LRBA: variants seen among roughly 807,000 people sequenced by gnomAD.
LRBA encodes LPS responsive beige-like anchor protein.
A neutral mutation model predicts 330.0 loss-of-function variants in LRBA; 176 were observed. The ratio of observed to expected loss-of-function variants is 0.53; its 90% CI spans 0.47 to 0.60. LRBA has a LOEUF of 0.60. LRBA is among the 20% of genes least tolerant of loss of function. LRBA has a pLI of 0.00. For missense variants in LRBA, 3,259 were observed against 3,444.8 expected (o/e 0.95, Z 1.35); for synonymous variants, 1,230 against 1,193.0 (o/e 1.03, Z -0.64).
chr4:150,289,458 A>AG (rs1351977323), intron 53 of LRBA, among the ~76,000 whole-genome samples: 1 of 152,166 alleles, frequency 6.6e-6, no homozygotes, highest in Non-Finnish European at 1.5e-5. Context: ...AGAGAGAGAG[A>AG]GAAAAAAAGA....
chr4:150,282,700 T>C (rs950971571), intron 54 of LRBA, 54 bp from the exon 55 acceptor site: 1 of 1,234,596 alleles, frequency 8.1e-7, no homozygotes, highest in Non-Finnish European at 1.2e-6. Context: ...ACAGACAATA[T>C]GATCTGAATC....
chr4:150,820,978 AAC>A (rs1745351268), intron 30 of LRBA, among the ~76,000 whole-genome samples: 1 of 152,104 alleles, frequency 6.6e-6, no homozygotes, highest in Non-Finnish European at 1.5e-5. Flanking sequence ...TGCATTGGAA[AAC>A]ACAGAGGAAA....
chr4:150,897,696 C>A, intron 15 of LRBA, 43 bp downstream of exon 15: 3 of 1,332,148 alleles, frequency 2.3e-6, no homozygotes, highest in South Asian at 1.2e-5. Flanking sequence ...AAATTATAAC[C>A]TTCAATACAC....
intron 22 of LRBA, among the ~76,000 whole-genome samples, chr4:150,862,429 A>T (rs993686923): frequency 1.8e-4 from 28 of 152,282 alleles, no homozygotes; most frequent in African/African-American, 6.5e-4. Context: ...TATCACAAGG[A>T]CAGAAAACCA....
At chr4:150,976,708 T>A (rs537475470) in intron 2 of LRBA, among the ~76,000 whole-genome samples, 4 of 130,708 alleles carry the variant, frequency 3.1e-5, no homozygotes, top group Non-Finnish European at 6.3e-5. Flanking sequence ...AATCACTTCG[T>A]ATCACAGAAA....
At chr4:150,554,307 C>G (rs1767007699) in intron 40 of LRBA, among the ~76,000 whole-genome samples, 1 of 152,114 alleles carries the variant, frequency 6.6e-6, no homozygotes, top group South Asian at 2.1e-4. Context: ...CTTTCTTCCC[C>G]TTAATTTCAA....
chr4:150,598,840 T>C (rs1309668582), intron 38 of LRBA, among the ~76,000 whole-genome samples, 167 bp downstream of exon 38: 1 of 152,214 alleles, frequency 6.6e-6, no homozygotes, highest in Admixed American at 6.5e-5. Flanking sequence ...CATAATTTAA[T>C]AGGACTCTAT....
intron 36 of LRBA, among the ~76,000 whole-genome samples, chr4:150,729,517 G>T (rs570064094): frequency 3.3e-5 from 5 of 152,068 alleles, no homozygotes; most frequent in Non-Finnish European, 7.4e-5. Flanking sequence ...AAAATGGAAG[G>T]ATATTCTATG....
chr4:150,330,302 C>A (rs894036433), intron 48 of LRBA, among the ~76,000 whole-genome samples: 1 of 152,052 alleles, frequency 6.6e-6, no homozygotes, highest in Admixed American at 6.6e-5. Flanking sequence ...TCTAGAAAAC[C>A]CTGTTTGAGT....
intron 44 of LRBA, among the ~76,000 whole-genome samples, chr4:150,445,377 CTATATATATATATATA>C (rs10552819): frequency 7.6e-5 from 6 of 78,622 alleles, no homozygotes; most frequent in South Asian, 5.5e-4. Context: ...CTCTCTCTCT[CTATATATATATATATA>C]TATATATATA....
chr4:150,601,081 G>A (rs969481188), intron 37 of LRBA, among the ~76,000 whole-genome samples: 1 of 152,172 alleles, frequency 6.6e-6, no homozygotes, highest in African/African-American at 2.4e-5. Context: ...ATTTCAGTCA[G>A]CACCACAAAC....
intron 36 of LRBA, among the ~76,000 whole-genome samples, chr4:150,717,701 A>AATAATAATAATCATC (rs890794296): frequency 4.1e-5 from 6 of 148,058 alleles, no homozygotes; most frequent in African/African-American, 1.5e-4. Context: ...TAATAATAAT[A>AATAATAATAATCATC]ATCAGTGCTT....
At chr4:150,275,729 A>C (rs568401616) in intron 56 of LRBA, among the ~76,000 whole-genome samples, 1 of 152,354 alleles carries the variant, frequency 6.6e-6, no homozygotes, top group South Asian at 2.1e-4. Flanking sequence ...AGGGATGTGA[A>C]GGACCTCTTC....
chr4:150,305,228 G>C (rs1385411980), intron 52 of LRBA, among the ~76,000 whole-genome samples: 1 of 152,116 alleles, frequency 6.6e-6, no homozygotes, highest in African/African-American at 2.4e-5. Flanking sequence ...AGGACAAAGG[G>C]AAAAAATGTA....
intron 56 of LRBA, among the ~76,000 whole-genome samples, chr4:150,271,413 T>G (rs1013180982): frequency 2.0e-5 from 3 of 151,226 alleles, no homozygotes; most frequent in Non-Finnish European, 4.4e-5. Flanking sequence ...AGCCAAGTGG[T>G]CTGGCTCGGT....
At chr4:150,664,791 C>G (rs532099086) in intron 37 of LRBA, among the ~76,000 whole-genome samples, 2 of 152,286 alleles carry the variant, frequency 1.3e-5, no homozygotes, top group African/African-American at 4.8e-5. Context: ...TAATTTTCTT[C>G]TACTCATGAA....
intron 2 of LRBA, 110 bp from the exon 3 acceptor site, chr4:150,929,175 T>C (rs1734199626): frequency 1.6e-5 from 10 of 623,752 alleles, no homozygotes; most frequent in Non-Finnish European, 5.2e-6. Flanking sequence ...TTCCTCCACA[T>C]CAAAAGGTTC....
At chr4:150,412,012 A>C (rs1747081428) in intron 47 of LRBA, among the ~76,000 whole-genome samples, 1 of 152,216 alleles carries the variant, frequency 6.6e-6, no homozygotes, top group South Asian at 2.1e-4. Flanking sequence ...AATATAGACT[A>C]TATTGTAAGG....
At chr4:150,449,770 A>G (rs1225717500) in intron 44 of LRBA, among the ~76,000 whole-genome samples, 3 of 152,160 alleles carry the variant, frequency 2.0e-5, no homozygotes, top group Admixed American at 1.3e-4. Flanking sequence ...AAGAAGAAGC[A>G]TATACTTCTT....
Sources: allele counts gnomAD v4.1 joint callset (sites outside exome capture counted in the v4.1 genomes callset), GRCh38; gene constraint gnomAD v4.1.1; transcripts MANE v1.5; gene names NCBI Gene and HGNC (gene_info 2026-07-23, HGNC 2026-07-21).